Variants in CTNNA1 observed in about 807,000 individuals in gnomAD.
CTNNA1 encodes catenin alpha 1, also known as catenin alpha-1.
A neutral mutation model predicts 98.4 loss-of-function variants in CTNNA1; 37 were observed. That is an observed-to-expected ratio of 0.38 (90% CI 0.29 to 0.49). CTNNA1 has a LOEUF of 0.49. Among genes scored for constraint, CTNNA1 ranks in the 20% least tolerant of loss-of-function variants. CTNNA1 has a pLI of 0.95. For synonymous variants in CTNNA1, 404 were observed against 413.2 expected (o/e 0.98, Z 0.27); for missense variants, 761 against 1,147.2 (o/e 0.66, Z 4.86).
intron 9 of CTNNA1, among the ~76,000 whole-genome samples, chr5:138,892,442 C>T (rs938893755): frequency 5.6e-5 from 8 of 142,084 alleles, no homozygotes; most frequent in African/African-American, 1.1e-4. Context: ...CAGTTTCAAG[C>T]GATTCTCTGC....
intron 6 of CTNNA1, 145 bp from the exon 7 acceptor site, chr5:138,827,370 C>T (rs1760827748): frequency 3.5e-6 from 3 of 858,706 alleles, no homozygotes; most frequent in African/African-American, 3.3e-5. Flanking sequence ...TGTGGGACAG[C>T]CCCTTACCTG....
chr5:138,835,642 T>G (rs1403695875), intron 7 of CTNNA1, among the ~76,000 whole-genome samples: 1 of 152,180 alleles, frequency 6.6e-6, no homozygotes, highest in African/African-American at 2.4e-5. Context: ...TTAATAAATT[T>G]TATTTTTACT....
chr5:138,917,318 C>T (rs1762002356), intron 10 of CTNNA1, among the ~76,000 whole-genome samples: 1 of 152,148 alleles, frequency 6.6e-6, no homozygotes, highest in Non-Finnish European at 1.5e-5. Flanking sequence ...GTGTCCATAA[C>T]ATAGAATATA....
At chr5:138,759,418 C>T (rs1480523592) in intron 1 of CTNNA1, among the ~76,000 whole-genome samples, 1 of 152,202 alleles carries the variant, frequency 6.6e-6, no homozygotes, top group Non-Finnish European at 1.5e-5. Flanking sequence ...TCCCCCGCAC[C>T]CTCATGATTG....
chr5:138,858,735 A>G (rs1763978297), intron 7 of CTNNA1, among the ~76,000 whole-genome samples: 1 of 151,812 alleles, frequency 6.6e-6, no homozygotes, highest in African/African-American at 2.4e-5. Context: ...AGCTGGGATT[A>G]CAGGCACCTG....
At chr5:138,898,742 T>C (rs913829012) in intron 9 of CTNNA1, among the ~76,000 whole-genome samples, 2 of 152,244 alleles carry the variant, frequency 1.3e-5, no homozygotes, top group African/African-American at 4.8e-5. Context: ...TCAGCCATTA[T>C]CTCTTTCAGC....
Position 138,904,467 on chromosome 5 carries a change from A to G in CTNNA1, c.1389+26A>G, listed in dbSNP as rs369880893. 14 of 1,588,144 alleles carry G rather than the reference A, an allele frequency of 8.8e-6. No individual in the cohort carries two copies. In the African/African-American group the frequency reaches 1.5e-4, roughly 17 times the overall value. Reference sequence around the variant, plus strand: ...GTAAAGTACAACTGACACTGGTGACAGCATAACCAAATTAAATTTTGATTC... The same window carrying G: ...GTAAAGTACAACTGACACTGGTGACGGCATAACCAAATTAAATTTTGATTC... On this transcript the variant is annotated intron_variant, in intron 10 of 17. Transcript: ENST00000302763.
intron 3 of CTNNA1, among the ~76,000 whole-genome samples, chr5:138,801,769 C>G (rs1050271395): frequency 6.6e-6 from 1 of 152,088 alleles, no homozygotes; most frequent in African/African-American, 2.4e-5. Flanking sequence ...GATTATTCAA[C>G]ACAACAAAGA....
In CTNNA1 at chr5:138,825,484, T is replaced by TTTTTTTTTTTTTTG. The variant is rs1170795872; in HGVS notation, c.858+698_858+699insGTTTTTTTTTTTTT. ...TCCAGTAGATGGCAGCAGTATAAGT[T>TTTTTTTTTTTTTTG]TTTTTTTTTTTTTTAGGGCTTTAAA... On this transcript the variant is annotated intron_variant, in intron 6 of 17. Transcript: ENST00000302763. 1.2e-4 allele frequency among the ~76,000 whole-genome samples: 12 copies of TTTTTTTTTTTTTTG among 104,202 alleles called. 1 individual carries two copies. Among genetic ancestry groups the TTTTTTTTTTTTTTG allele is most frequent in the South Asian group, 3.5e-4 (1 of 2,888 alleles). 68.4% of individuals were successfully genotyped at this position (104,202 alleles called of 152,430 possible).
At chr5:138,806,402 T>C (rs1561543926) in intron 3 of CTNNA1, among the ~76,000 whole-genome samples, 1 of 152,058 alleles carries the variant, frequency 6.6e-6, no homozygotes, top group Non-Finnish European at 1.5e-5. Context: ...TTTTCATACA[T>C]CTCTGGCTTT....
intron 7 of CTNNA1, among the ~76,000 whole-genome samples, chr5:138,844,769 TTATG>T (rs111914963): frequency 0.012 from 1,875 of 152,306 alleles, 41 homozygotes; most frequent in African/African-American, 0.038. Flanking sequence ...AAGTATAGAA[TTATG>T]TATAGTAAGT....
chr5:138,820,722 T>C (rs1266130371), intron 5 of CTNNA1, among the ~76,000 whole-genome samples: 1 of 128,616 alleles, frequency 7.8e-6, no homozygotes, highest in Non-Finnish European at 1.7e-5. Flanking sequence ...TGTAGTTGTT[T>C]AGTCGTTGTT....
At chr5:138,899,397 T>A (rs1023958539) in intron 9 of CTNNA1, among the ~76,000 whole-genome samples, 4 of 152,232 alleles carry the variant, frequency 2.6e-5, no homozygotes, top group African/African-American at 9.6e-5. Flanking sequence ...ACCATATACA[T>A]AACATAATTT....
At chr5:138,780,299 C>T (rs900816906) in intron 1 of CTNNA1, among the ~76,000 whole-genome samples, 1 of 151,576 alleles carries the variant, frequency 6.6e-6, no homozygotes. Flanking sequence ...ACGCCATTTT[C>T]CTGCCTCAGC....
At chr5:138,775,694 C>T (rs1054002466) in intron 1 of CTNNA1, among the ~76,000 whole-genome samples, 7 of 150,354 alleles carry the variant, frequency 4.7e-5, no homozygotes, top group Admixed American at 2.0e-4. Flanking sequence ...TCTTTAGCCT[C>T]CTTTAATCTG....
chr5:138,833,721 G>A (rs1458772605), intron 7 of CTNNA1, among the ~76,000 whole-genome samples: 1 of 152,164 alleles, frequency 6.6e-6, no homozygotes, highest in African/African-American at 2.4e-5. Context: ...TGTCCAGAAT[G>A]GCATGGTAGT....
chr5:138,771,149 G>A (rs758825589), intron 1 of CTNNA1, among the ~76,000 whole-genome samples: 4 of 151,458 alleles, frequency 2.6e-5, no homozygotes, highest in Non-Finnish European at 5.9e-5. Context: ...CTGCTTTCTG[G>A]GATAGTGACT....
chr5:138,909,079 A>G (rs1428230398), intron 10 of CTNNA1, among the ~76,000 whole-genome samples: 1 of 152,126 alleles, frequency 6.6e-6, no homozygotes, highest in Non-Finnish European at 1.5e-5. Flanking sequence ...AAAAACACAA[A>G]AACCCCAAAC....
chr5:138,805,081 T>A (rs934640518), intron 3 of CTNNA1, among the ~76,000 whole-genome samples: 9 of 151,982 alleles, frequency 5.9e-5, no homozygotes, highest in Admixed American at 1.3e-4. Flanking sequence ...GGGAGAGGTG[T>A]CACACACCTT....
Sources: allele counts gnomAD v4.1 joint callset (sites outside exome capture counted in the v4.1 genomes callset), GRCh38; gene constraint gnomAD v4.1.1; transcripts MANE v1.5; gene names NCBI Gene and HGNC (gene_info 2026-07-23, HGNC 2026-07-21).